NARS2: variants seen among roughly 807,000 people sequenced by gnomAD.
NARS2 encodes the protein asparaginyl-tRNA synthetase 2, mitochondrial, also known as asparaginyl-tRNA synthetase.
NARS2 carries 60 observed loss-of-function variants against 62.9 expected under a neutral mutation model. The ratio of observed to expected loss-of-function variants is 0.95; its 90% CI spans 0.77 to 1.18. The LOEUF (loss-of-function observed/expected upper bound fraction) is 1.18. Among genes scored for constraint, NARS2 ranks in the 50% most tolerant of loss-of-function variants. The probability of loss-of-function intolerance (pLI) is 0.00; values close to 1 mark genes in which losing one functional copy is unlikely to be tolerated. For synonymous variants in NARS2, 196 were observed against 200.0 expected, an observed-to-expected ratio of 0.98 and a Z score of 0.17; for missense variants, 619 against 576.4, an observed-to-expected ratio of 1.07 and a Z score of -0.76.
intron 3 of NARS2, 121 bp from the exon 4 acceptor site, chr11:78,566,393 T>G (rs1856745734): frequency 1.3e-6 from 1 of 744,730 alleles, no homozygotes; most frequent in Non-Finnish European, 2.0e-6. Flanking sequence ...CCTTCTTTAT[T>G]TCTTAATATA....
intron 5 of NARS2, among the ~76,000 whole-genome samples, 161 bp from the exon 6 acceptor site, chr11:78,529,097 G>A (rs759753285): frequency 6.6e-5 from 10 of 152,144 alleles, no homozygotes; most frequent in Admixed American, 1.3e-4. Context: ...AAGACAAAAC[G>A]CCAGCTTGGA....
intron 5 of NARS2, among the ~76,000 whole-genome samples, chr11:78,535,284 T>A (rs1861630685): frequency 6.6e-6 from 1 of 152,216 alleles, no homozygotes; most frequent in African/African-American, 2.4e-5. Context: ...TCACTTCCGA[T>A]TCTTGAAACA....
chr11:78,529,523 T>C (rs989103950), intron 5 of NARS2, among the ~76,000 whole-genome samples: 2 of 152,200 alleles, frequency 1.3e-5, no homozygotes, highest in African/African-American at 2.4e-5. Flanking sequence ...ACTTACAATA[T>C]AGAAAGGGTG....
chr11:78,469,137 T>C, intron 10 of NARS2, 110 bp downstream of exon 10: 2 of 733,598 alleles, frequency 2.7e-6, no homozygotes, highest in East Asian at 5.3e-5. Flanking sequence ...AATGCCATAT[T>C]TTGCTAATAA....
chr11:78,464,656 A>T (rs1167018866), intron 11 of NARS2, among the ~76,000 whole-genome samples: 1 of 152,070 alleles, frequency 6.6e-6, no homozygotes, highest in East Asian at 1.9e-4. Context: ...ACCTTGAGCT[A>T]GATAGAGTGC....
intron 6 of NARS2, among the ~76,000 whole-genome samples, chr11:78,495,814 T>C (rs1265878718): frequency 6.6e-6 from 1 of 152,182 alleles, no homozygotes; most frequent in Non-Finnish European, 1.5e-5. Context: ...CTGTGCCATC[T>C]CTAGGTAGGT....
intron 4 of NARS2, among the ~76,000 whole-genome samples, chr11:78,563,851 A>AAAAAAAT (rs1404770578): frequency 2.1e-4 from 7 of 34,022 alleles, no homozygotes; most frequent in African/African-American, 6.6e-4. Flanking sequence ...AAAAAAAAAA[A>AAAAAAAT]ATATATATAT....
intron 11 of NARS2, among the ~76,000 whole-genome samples, chr11:78,451,323 CT>C: frequency 1.3e-5 from 2 of 152,356 alleles, no homozygotes; most frequent in African/African-American, 4.8e-5. Flanking sequence ...GTATCTCCCC[CT>C]GATAACAACT....
At position 78,574,570 on chromosome 11, in the gene NARS2, C is replaced by G; in HGVS notation, c.-82G>C. On this transcript the variant is annotated 5_prime_UTR_variant, in exon 1 of 14. Transcript: ENST00000281038. Reference sequence around the variant, plus strand: ...GCCTGCAGCGGCCCTCCTTTCTCAGCTGCTCCCCTTCCGCGGCCGCAGCTC... The same window carrying G: ...GCCTGCAGCGGCCCTCCTTTCTCAGGTGCTCCCCTTCCGCGGCCGCAGCTC... The G allele has an allele frequency of 6.9e-7, 1 of 1,449,828 alleles. No homozygotes were observed. Among genetic ancestry groups the G allele is most frequent in the Non-Finnish European group, 9.1e-7 (1 of 1,094,082 alleles). The allele number at this position is 1,449,828 out of a possible 1,614,324, so 89.8% of individuals were successfully genotyped here.
intron 11 of NARS2, among the ~76,000 whole-genome samples, chr11:78,460,271 A>T (rs1056574479): frequency 6.2e-5 from 9 of 145,236 alleles, no homozygotes; most frequent in African/African-American, 2.3e-4. Flanking sequence ...GATTGGGTTA[A>T]TTTTTTTTTT....
intron 11 of NARS2, among the ~76,000 whole-genome samples, chr11:78,449,892 G>C (rs762346999): frequency 6.6e-6 from 1 of 152,156 alleles, no homozygotes; most frequent in African/African-American, 2.4e-5. Context: ...ACAATGAAAG[G>C]CCTTTTAAAA....
At position 78,464,964 on chromosome 11, in the gene NARS2, G is replaced by A. The variant is rs189899826; in HGVS notation, c.1164+912C>T. 1.0e-3 allele frequency among the ~76,000 whole-genome samples: 158 copies of A among 152,388 alleles called. 2 individuals carry two copies. The East Asian group carries it at 0.023, about 22-fold the overall frequency. ...GACCTGCCTGCCAGTCCCGCGCCAT[G>A]CGCCTGCACTCCTCAGCCCTTGGGT... On this transcript the variant is annotated intron_variant, in intron 11 of 13. Coordinates refer to ENST00000281038, the MANE Select transcript of NARS2 (RefSeq NM_024678.6).
rs183677276 is a variant in NARS2 at position 78,443,439 on chromosome 11, A to T, written c.1262+222T>A. Among the ~76,000 whole-genome samples the T allele has an allele frequency of 3.1e-3, 478 of 152,304 alleles. 3 individuals are homozygous for T. The highest frequency in any genetic ancestry group is 5.3e-3 in the Non-Finnish European group (359 of 68,016). On this transcript the variant is annotated intron_variant, in intron 12 of 13. Coordinates refer to ENST00000281038, the MANE Select transcript of NARS2 (RefSeq NM_024678.6). ...TTTCCATAGGGAAAGGTTTGTAAAAATGGGCAAATATCACTGTGGGTTTTT... is the reference window on the plus strand; with the variant it reads ...TTTCCATAGGGAAAGGTTTGTAAAATTGGGCAAATATCACTGTGGGTTTTT...
chr11:78,564,507 T>C (rs1352418762), intron 4 of NARS2, among the ~76,000 whole-genome samples: 1 of 152,192 alleles, frequency 6.6e-6, no homozygotes, highest in East Asian at 1.9e-4. Flanking sequence ...ATTTTTTTAT[T>C]TCAATTTTTT....
At chr11:78,470,563 T>G (rs1251455102) in intron 9 of NARS2, among the ~76,000 whole-genome samples, 1 of 152,196 alleles carries the variant, frequency 6.6e-6, no homozygotes, top group East Asian at 1.9e-4. Context: ...ATGAAGACAT[T>G]CTTCACTTTT....
intron 2 of NARS2, among the ~76,000 whole-genome samples, chr11:78,570,642 A>T (rs1198688885): frequency 6.6e-6 from 1 of 152,212 alleles, no homozygotes; most frequent in East Asian, 1.9e-4. Context: ...CGGCCTCCCA[A>T]AGTGCTAGGA....
chr11:78,502,716 C>T (rs1198850337), intron 6 of NARS2, among the ~76,000 whole-genome samples: 1 of 152,098 alleles, frequency 6.6e-6, no homozygotes, highest in African/African-American at 2.4e-5. Flanking sequence ...TGAGGCCAGG[C>T]GCGGCGCCTC....
intron 6 of NARS2, among the ~76,000 whole-genome samples, chr11:78,511,416 T>C (rs1860716034): frequency 6.6e-6 from 1 of 151,914 alleles, no homozygotes. Context: ...GTTACTGAGG[T>C]GTAAGAATTT....
At chr11:78,467,751 T>C (rs1040470550) in intron 10 of NARS2, among the ~76,000 whole-genome samples, 1 of 152,128 alleles carries the variant, frequency 6.6e-6, no homozygotes, top group Non-Finnish European at 1.5e-5. Context: ...GTGTGGGTAA[T>C]GACAGATGTG....
Sources: gnomAD v4.1 joint callset for allele counts (sites outside exome capture counted in the v4.1 genomes callset) on GRCh38, gnomAD v4.1.1 for gene constraint, MANE v1.5 for transcripts, NCBI Gene and HGNC (gene_info 2026-07-23, HGNC 2026-07-21) for gene names.